TTN: variants seen among roughly 807,000 people sequenced by gnomAD.
TTN encodes titin.
A neutral mutation model predicts 3,223.0 loss-of-function variants in TTN; 1,525 were observed. The observed-to-expected ratio is 0.47, with a 90% CI of 0.45 to 0.49. TTN has a LOEUF of 0.49. Among genes scored for constraint, TTN ranks in the 20% least tolerant of loss-of-function variants. TTN has a pLI of 0.00. For missense variants in TTN, 40,786 were observed against 43,424.0 expected (o/e 0.94, Z 5.40); for synonymous variants, 14,094 against 15,161.0 (o/e 0.93, Z 5.17).
intron 224 of TTN, among the ~76,000 whole-genome samples, 193 bp downstream of exon 224, chr2:178,637,176 T>TAA (rs1319154206): frequency 7.6e-6 from 1 of 130,900 alleles, no homozygotes; most frequent in African/African-American, 3.1e-5. Context: ...TATATATATA[T>TAA]ATATATATAT....
At chr2:178,747,081 A>T (rs1415459964) in intron 47 of TTN, 1 of 1,611,898 alleles carries the variant, frequency 6.2e-7, no homozygotes, top group Admixed American at 1.7e-5. Context: ...GGGGGTGTGG[A>T]ATATCGCTCT....
rs899151063 is a variant in TTN at position 178,715,552 on chromosome 2, G to T, written c.25862C>A (p.Thr8621Asn). The T allele has an allele frequency of 4.3e-6, 7 of 1,613,488 alleles. No homozygotes were observed. Among genetic ancestry groups the T allele is most frequent in the Non-Finnish European group, 5.9e-6 (7 of 1,179,652 alleles). ...GCCTGCTGCATTGTGGGCCTCACAG[G>T]TGTAGTCTCCACTGTCTTCAACACT... is the stretch of plus-strand genomic sequence containing the variant. ...NLSVEDSGDY[T>N]CEAHNAAGSA... is the part of the protein sequence containing the mutation. Residue 8621 changes from threonine (T) to asparagine (N), a missense_variant, in exon 89 of 363, where the codon ACC becomes AAC. Physicochemically the swap from Thr to Asn is moderately conservative, Grantham distance 65. Coordinates refer to ENST00000589042, the MANE Select transcript of TTN (RefSeq NM_001267550.2).
chr2:178,530,565 A>C lies in TTN; in HGVS notation c.106050T>G (p.Thr35350=), dbSNP rs1302915050. The change falls in exon 358 of 363, where the codon ACT becomes ACG. Residue 35350 remains threonine, a synonymous_variant. Coordinates refer to ENST00000589042, the MANE Select transcript of TTN (RefSeq NM_001267550.2). ...GTYELKINNL[T]ESDQGEYVCE... is the part of the protein sequence containing the mutation. ...AAACATATTCTCCTTGATCAGATTC[A>C]GTGAGGTTATTGATTTTGAGCTCAT... 1 of 1,614,010 alleles carries C rather than the reference A, an allele frequency of 6.2e-7. No individual in the cohort carries two copies. Among genetic ancestry groups the C allele is most frequent in the East Asian group, 2.2e-5 (1 of 44,884 alleles).
rs374920916 is a variant in TTN, at chr2:178,536,357, C to T, written c.100390G>A (p.Glu33464Lys). Reference sequence around the variant, plus strand: ...AGATTTTCACATTTCACACGAAACTCGTATTCAAGACCTTCAATAAGGTTT... The same window carrying T: ...AGATTTTCACATTTCACACGAAACTTGTATTCAAGACCTTCAATAAGGTTT... ...VKNLIEGLEYEFRVKCENLGG... is the reference protein window; with the variant it reads ...VKNLIEGLEYKFRVKCENLGG... Residue 33464 changes from glutamate (E) to lysine (K), a missense_variant, in exon 357 of 363, where the codon GAG (glutamate) becomes AAG (lysine). Glu to Lys is a moderately conservative substitution (Grantham distance 56, BLOSUM62 1). Transcript: ENST00000589042. The T allele has an allele frequency of 7.4e-6, 12 of 1,613,638 alleles. No homozygotes were observed. In the African/African-American group the frequency reaches 9.3e-5, roughly 13 times the overall value.
At chr2:178,619,952 G>T in intron 249 of TTN, 36 bp downstream of exon 249, 1 of 1,595,212 alleles carries the variant, frequency 6.3e-7, no homozygotes, top group Non-Finnish European at 8.5e-7. Context: ...TTAAAAAATT[G>T]GTAACATTAG....
Position 178,571,493 on chromosome 2 carries a change from T to G in TTN, c.74639A>C (p.Gln24880Pro). ...ACRLKTGCEY[Q>P]FRIAAENRYG... ...TCTGTTTTCAGCTGCAATTCTAAAC[T>G]GATATTCACATCCAGTCTTCAGTCT... Residue 24880 changes from glutamine (Q) to proline (P), a missense_variant, in exon 326 of 363, where the codon CAG (glutamine) becomes CCG (proline). Physicochemically the swap from Gln to Pro is moderately conservative, Grantham distance 76. Transcript: ENST00000589042. The G allele has an allele frequency of 1.9e-6, 3 of 1,613,364 alleles. No homozygotes were observed. Among genetic ancestry groups the G allele is most frequent in the Non-Finnish European group, 2.5e-6 (3 of 1,179,576 alleles).
chr2:178,606,409 G>T (rs535966163), intron 278 of TTN, among the ~76,000 whole-genome samples: 1 of 151,954 alleles, frequency 6.6e-6, no homozygotes, highest in Admixed American at 6.6e-5. Context: ...GAAGGAATAA[G>T]TTCTTCTGTC....
At position 178,620,699 on chromosome 2, in the gene TTN, T is replaced by C. The variant is rs749103939; in HGVS notation, c.45895+16A>G. The C allele has an allele frequency of 3.7e-6, 6 of 1,610,654 alleles. No homozygotes were observed. The highest frequency in any genetic ancestry group is 2.2e-5 in the East Asian group (1 of 44,724). On this transcript the variant is annotated intron_variant, in intron 247 of 362. Coordinates refer to ENST00000589042, the MANE Select transcript of TTN (RefSeq NM_001267550.2). Reference sequence around the variant, plus strand: ...AAACTGATGAAAAAATCTCTAGTGGTATATAAATTACTTACCTTCTACTAT... The same window carrying C: ...AAACTGATGAAAAAATCTCTAGTGGCATATAAATTACTTACCTTCTACTAT...
rs532210189 is a variant in TTN, at chr2:178,784,014, A to G, written c.2775+56T>C. ...ACTTTTCAGTACAAACTAGCCAACC[A>G]CCTGGCCCTGCTCAATGGGAGTGGA... On this transcript the variant is annotated intron_variant, in intron 16 of 362. Coordinates refer to ENST00000589042, the MANE Select transcript of TTN (RefSeq NM_001267550.2). The G allele has an allele frequency of 2.9e-5, 47 of 1,610,306 alleles. No individual in the cohort carries two copies. The African/African-American group carries it at 4.9e-4, about 17-fold the overall frequency.
At position 178,619,756 on chromosome 2, in the gene TTN, G is replaced by T. The variant is rs758692633; in HGVS notation, c.46561C>A (p.Gln15521Lys). The part of the protein sequence containing the change: ...QWLRNNMVVV[Q>K]GDKHQMMSEG... Reference sequence around the variant, plus strand: ...CTCATCATCTGGTGTTTATCACCCTGGACAACAACCATGTTATTTCTTAGC... The same window carrying T: ...CTCATCATCTGGTGTTTATCACCCTTGACAACAACCATGTTATTTCTTAGC... Residue 15521 changes from glutamine (Q) to lysine (K), a missense_variant, in exon 250 of 363, where the codon CAG becomes AAG. Transcript: ENST00000589042. The T allele has an allele frequency of 1.2e-6, 2 of 1,612,192 alleles. No individual in the cohort carries two copies. Among genetic ancestry groups the T allele is most frequent in the Non-Finnish European group, 1.7e-6 (2 of 1,178,912 alleles).
chr2:178,607,224 C>T lies in TTN; in HGVS notation c.53378G>A (p.Gly17793Glu). ...LNWSDPEDDG[G>E]SEITGFIIER... is the part of the protein sequence containing the mutation. ...AATGATAAAGCCTGTTATTTCACTT[C>T]CTCCATCATCTTCTGGATCAGACCA... Residue 17793 changes from glycine (G) to glutamate (E), a missense_variant, in exon 278 of 363, where the codon GGA (glycine) becomes GAA (glutamate). Physicochemically the swap from Gly to Glu is moderately conservative, Grantham distance 98. Coordinates refer to ENST00000589042, the MANE Select transcript of TTN (RefSeq NM_001267550.2). 1 of 1,612,966 alleles carries T rather than the reference C, an allele frequency of 6.2e-7. No homozygotes were observed.
At position 178,540,063 on chromosome 2, in the gene TTN, C is replaced by G; in HGVS notation, c.98098+5G>C. The stretch of plus-strand genomic sequence containing the variant: ...TTGCAGAAAGCAAATGATCATATGT[C>G]TCACCAAGCATTTCAGTGACTTTGA... On this transcript the variant is annotated splice_donor_5th_base_variant and intron_variant, in intron 351 of 362. Coordinates refer to ENST00000589042, the MANE Select transcript of TTN (RefSeq NM_001267550.2). 6.3e-7 allele frequency: 1 copy of G among 1,596,314 alleles called. No individual in the cohort carries two copies. Among genetic ancestry groups the G allele is most frequent in the Non-Finnish European group, 8.5e-7 (1 of 1,169,714 alleles).
chr2:178,679,250 G>A, intron 142 of TTN, 89 bp downstream of exon 142: 1 of 1,374,724 alleles, frequency 7.3e-7, no homozygotes. Context: ...TGTTAATATT[G>A]TCATGGGGAA....
rs794729599 is a variant in TTN at position 178,746,007 on chromosome 2, G to A, written c.11312-4086C>T. 24 of 1,613,020 alleles carry A rather than the reference G, an allele frequency of 1.5e-5. No homozygotes were observed. The highest frequency in any genetic ancestry group is 1.6e-4 in the Middle Eastern group (1 of 6,074). On this transcript the variant is annotated intron_variant, in intron 47 of 362. Coordinates refer to ENST00000589042, the MANE Select transcript of TTN (RefSeq NM_001267550.2). ...GAATCTCCCATGGTGAGGAATCCCCGACAGATAGCCTCTCCTACACAATTC... is the reference window on the plus strand; with the variant it reads ...GAATCTCCCATGGTGAGGAATCCCCAACAGATAGCCTCTCCTACACAATTC...
In TTN at chr2:178,566,208, C is replaced by T; in HGVS notation, c.79924G>A (p.Gly26642Arg). The T allele has an allele frequency of 6.2e-7, 1 of 1,613,658 alleles. No individual in the cohort carries two copies. Among genetic ancestry groups the T allele is most frequent in the Non-Finnish European group, 8.5e-7 (1 of 1,179,696 alleles). The change falls in exon 326 of 363, where the codon GGA (glycine) becomes AGA (arginine). Residue 26642 changes from glycine to arginine, a missense_variant. Physicochemically the swap from Gly to Arg is moderately radical, Grantham distance 125. Coordinates refer to ENST00000589042, the MANE Select transcript of TTN (RefSeq NM_001267550.2). ...EFTDKVQIEK[G>R]VNYTQLSIDN... The stretch of plus-strand genomic sequence containing the variant: ...ATTGATAGTTGGGTATAGTTTACTC[C>T]CTTTTCAATTTGGACCTTATCTGTG...
intron 180 of TTN, among the ~76,000 whole-genome samples, chr2:178,659,504 T>A (rs2154255314): frequency 6.7e-6 from 1 of 149,608 alleles, no homozygotes; most frequent in Non-Finnish European, 1.5e-5. Context: ...CCCTTCATGC[T>A]AAAGACTCTC....
chr2:178,630,173 A>C, intron 239 of TTN, 68 bp downstream of exon 239: 1 of 1,598,068 alleles, frequency 6.3e-7, no homozygotes, highest in Non-Finnish European at 8.5e-7. Flanking sequence ...AGGTCCAATT[A>C]ATTTCACTCA....
Position 178,740,545 on chromosome 2 carries a change from C to G in TTN, c.12688G>C (p.Ala4230Pro), listed in dbSNP as rs545642709. ...TCTTTTGGTGAAAGTACTTCCTCAG[C>G]CACAGAGGTTAGATAAGAATGCATT... ...PPMHSYLTSV[A>P]EEVLSPKEKT... is the part of the protein sequence containing the mutation. Residue 4230 changes from alanine to proline, a missense_variant, in exon 48 of 363, where the codon GCT becomes CCT. Physicochemically the swap from Ala to Pro is conservative, Grantham distance 27 (BLOSUM62 -1). Transcript: ENST00000589042. The G allele has an allele frequency of 1.2e-6, 2 of 1,613,818 alleles. No individual in the cohort carries two copies. Among genetic ancestry groups the G allele is most frequent in the African/African-American group, 2.7e-5 (2 of 75,046 alleles).
At chr2:178,639,898 G>GT (rs2061002600) in intron 222 of TTN, 110 bp from the exon 223 acceptor site, 41 of 1,425,912 alleles carry the variant, frequency 2.9e-5, no homozygotes, top group Non-Finnish European at 3.4e-5. Context: ...CAAATAACTA[G>GT]TTTTTAAGAG....
Sources: gnomAD v4.1 joint callset for allele counts (sites outside exome capture counted in the v4.1 genomes callset) on GRCh38, gnomAD v4.1.1 for gene constraint, MANE v1.5 for transcripts, NCBI Gene and HGNC (gene_info 2026-07-23, HGNC 2026-07-21) for gene names.